FAM234B: variants seen among roughly 807,000 people sequenced by gnomAD.
FAM234B encodes the protein protein FAM234B.
A neutral mutation model predicts 69.3 loss-of-function variants in FAM234B; 33 were observed. The ratio of observed to expected loss-of-function variants is 0.48; its 90% CI spans 0.36 to 0.64. FAM234B has a LOEUF of 0.64. FAM234B is among the 30% of genes least tolerant of loss of function. The probability of loss-of-function intolerance (pLI) is 0.00; values close to 1 mark genes in which losing one functional copy is unlikely to be tolerated. For missense variants in FAM234B, 697 were observed against 769.7 expected (o/e 0.91, Z 1.12); for synonymous variants, 306 against 306.9 (o/e 1.00, Z 0.03).
At chr12:13,062,785 A>G in intron 4 of FAM234B, 60 bp from the exon 5 acceptor site, 2 of 1,579,008 alleles carry the variant, frequency 1.3e-6, no homozygotes, top group Non-Finnish European at 8.7e-7. Flanking sequence ...GGAACATGGC[A>G]TCTGCCTTTT....
chr12:13,051,231 T>C (rs1309370786), intron 1 of FAM234B, among the ~76,000 whole-genome samples: 1 of 152,252 alleles, frequency 6.6e-6, no homozygotes. Context: ...TATAAATTCC[T>C]GTAGCATATG....
intron 2 of FAM234B, among the ~76,000 whole-genome samples, chr12:13,057,335 T>A (rs1864940994): frequency 6.6e-6 from 1 of 152,240 alleles, no homozygotes; most frequent in African/African-American, 2.4e-5. Flanking sequence ...GAGATTCATC[T>A]ATATTGATGC....
chr12:13,058,667 A>G (rs2120464934), intron 3 of FAM234B, 118 bp downstream of exon 3: 5 of 831,466 alleles, frequency 6.0e-6, no homozygotes, highest in Non-Finnish European at 1.0e-5. Flanking sequence ...GAAAGTTACC[A>G]TGGTTCTGGC....
In FAM234B at chr12:13,044,494, G is replaced by A. The variant is rs76171305; in HGVS notation, c.37+54G>A. 172 of 1,541,276 alleles carry A rather than the reference G, an allele frequency of 1.1e-4. No homozygotes were observed. In the East Asian group the frequency reaches 2.7e-3, roughly 25 times the overall value. On this transcript the variant is annotated intron_variant, in intron 1 of 12. Coordinates refer to ENST00000197268, the MANE Select transcript of FAM234B (RefSeq NM_020853.2). The surrounding 1 kb of genome is among the most constrained non-coding windows in gnomAD (Gnocchi z 5.6). ...AGTCCCCGCCGGTGTTGGAATAAGG[G>A]GAGGCGAGGCTCTGGGGGCGAGGCC...
chr12:13,075,897 T>A lies in FAM234B; in HGVS notation c.1525-129T>A, dbSNP rs1865153782. The A allele has an allele frequency of 6.6e-6, 5 of 753,034 alleles. No homozygotes were observed. In the Admixed American group the frequency reaches 8.8e-5, roughly 13 times the overall value. 46.6% of individuals were successfully genotyped at this position (753,034 alleles called of 1,614,324 possible). A position where few individuals can be genotyped will look rare whatever the true frequency, so the allele number is the denominator to read the frequency against. ...TTTCTTTCAAACACATTCTTGTAGT[T>A]AGGATCAGGCATTAGCATCTGAGAG... On this transcript the variant is annotated intron_variant, in intron 10 of 12. Coordinates refer to ENST00000197268, the MANE Select transcript of FAM234B (RefSeq NM_020853.2).
rs567162475 is a variant in FAM234B at position 13,071,425 on chromosome 12, T to C, written c.1524+29T>C. On this transcript the variant is annotated intron_variant, in intron 10 of 12. Transcript: ENST00000197268. ...AGTGAGCCTGGGAGGGTCCCTTTTT[T>C]ACTTTGTCAGATGGCAGCTGCTGTG... The C allele has an allele frequency of 1.4e-5, 22 of 1,607,458 alleles. No individual in the cohort carries two copies. In the East Asian group the frequency reaches 2.2e-4, roughly 16 times the overall value.
intron 9 of FAM234B, 148 bp from the exon 10 acceptor site, chr12:13,071,093 C>T (rs3825270): frequency 0.21 from 166,481 of 774,430 alleles, 23,331 homozygotes; most frequent in East Asian, 0.54. Context: ...TTCGTGCTCT[C>T]GGAACACCCA....
Position 13,071,250 on chromosome 12 carries a change from G to A in FAM234B, c.1378G>A (p.Val460Met), listed in dbSNP as rs1565511305. Residue 460 changes from valine to methionine, a missense_variant, in exon 10 of 13, where the codon GTG (valine) becomes ATG (methionine). Around this residue, in one of 3 missense-constraint regions of FAM234B, gnomAD observed 313 missense variants for 305.5 expected, o/e 1.02. Transcript: ENST00000197268. ...GTCTTCTCTTTTGTAGATGATGGTT[G>A]TGGATGGTGACTCTGGCTCCATTGT... ...DGVGMKKMMV[V>M]DGDSGSIVWS... The A allele has an allele frequency of 6.2e-7, 1 of 1,614,020 alleles. No homozygotes were observed. The highest frequency in any genetic ancestry group is 1.3e-5 in the African/African-American group (1 of 74,916).
intron 1 of FAM234B, among the ~76,000 whole-genome samples, chr12:13,049,199 A>C (rs528854734): frequency 1.3e-5 from 2 of 152,092 alleles, no homozygotes; most frequent in East Asian, 1.9e-4. Flanking sequence ...TTTTTTTTTG[A>C]GACAAAGTCT....
At chr12:13,072,652 C>G (rs1421215387) in intron 10 of FAM234B, among the ~76,000 whole-genome samples, 1 of 151,520 alleles carries the variant, frequency 6.6e-6, no homozygotes, top group East Asian at 1.9e-4. Context: ...ATCGCTTGAA[C>G]CCGGGAGGCA....
chr12:13,077,492 A>G (rs1234979184), intron 11 of FAM234B, among the ~76,000 whole-genome samples: 2 of 137,854 alleles, frequency 1.5e-5, no homozygotes, highest in African/African-American at 2.7e-5. Flanking sequence ...TCATTGTTCT[A>G]TTCCCACCTA....
At chr12:13,054,042 G>T (rs916815664) in intron 1 of FAM234B, among the ~76,000 whole-genome samples, 1 of 152,120 alleles carries the variant, frequency 6.6e-6, no homozygotes, top group Non-Finnish European at 1.5e-5. Flanking sequence ...ATCTTCCCTT[G>T]TTCCCTGAAA....
At chr12:13,073,086 T>C (rs1354994806) in intron 10 of FAM234B, among the ~76,000 whole-genome samples, 2 of 152,176 alleles carry the variant, frequency 1.3e-5, no homozygotes, top group Non-Finnish European at 2.9e-5. Flanking sequence ...CCCAGGTGTT[T>C]TTCTGCTAAA....
At position 13,062,987 on chromosome 12, in the gene FAM234B, A is replaced by G; in HGVS notation, c.852+12A>G. 3 of 1,613,316 alleles carry G rather than the reference A, an allele frequency of 1.9e-6. No homozygotes were observed. The highest frequency in any genetic ancestry group is 2.5e-6 in the Non-Finnish European group (3 of 1,179,548). On this transcript the variant is annotated intron_variant, in intron 5 of 12. Transcript: ENST00000197268. ...TTGGGGAATTGCAGGTATGATCTCT[A>G]TTAAATGTTTTTTGTTTCTTATAGG... is the stretch of plus-strand genomic sequence containing the variant.
At chr12:13,045,700 A>G (rs544442987) in intron 1 of FAM234B, among the ~76,000 whole-genome samples, 4 of 152,146 alleles carry the variant, frequency 2.6e-5, no homozygotes, top group Non-Finnish European at 4.4e-5. Flanking sequence ...TGTGCATAAC[A>G]CTGGAATTAA....
intron 1 of FAM234B, among the ~76,000 whole-genome samples, chr12:13,047,759 G>T (rs1403226995): frequency 6.6e-6 from 1 of 152,194 alleles, no homozygotes; most frequent in Admixed American, 6.5e-5. Flanking sequence ...GCAAGGAAGC[G>T]AGTGAGTGCT....
intron 11 of FAM234B, among the ~76,000 whole-genome samples, chr12:13,078,907 A>G (rs1865192046): frequency 6.6e-6 from 1 of 151,266 alleles, no homozygotes; most frequent in African/African-American, 2.4e-5. Flanking sequence ...AACAAATGGA[A>G]GAACATTCCA....
chr12:13,076,264 G>A, intron 11 of FAM234B, 121 bp downstream of exon 11: 1 of 779,454 alleles, frequency 1.3e-6, no homozygotes, highest in Non-Finnish European at 2.2e-6. Context: ...ACGACAGCAG[G>A]GCACTTTCCC....
intron 3 of FAM234B, 35 bp downstream of exon 3, chr12:13,058,584 G>C (rs752137643): frequency 1.3e-6 from 2 of 1,545,140 alleles, no homozygotes; most frequent in Non-Finnish European, 1.8e-6. Flanking sequence ...CTGCTACAGG[G>C]GCACTGTCAG....
Sources: gnomAD v4.1 joint callset for allele counts (sites outside exome capture counted in the v4.1 genomes callset) on GRCh38, gnomAD v4.1.1 for gene constraint, gnomAD v4.1.1 regional missense constraint, Gnocchi (gnomAD v3.1) non-coding constraint, MANE v1.5 for transcripts, NCBI Gene and HGNC (gene_info 2026-07-23, HGNC 2026-07-21) for gene names.